The following MCOLN2 variants were observed in gnomAD, a reference collection of about 807,000 sequenced individuals.
The protein encoded by MCOLN2 is mucolipin-2.
A neutral mutation model predicts 67.5 loss-of-function variants in MCOLN2; 57 were observed. The observed-to-expected ratio is 0.84, with a 90% CI of 0.68 to 1.05. MCOLN2 has a LOEUF of 1.05. Among genes scored for constraint, MCOLN2 ranks in the 50% least tolerant of loss-of-function variants. MCOLN2 has a pLI of 0.00. For missense variants in MCOLN2, 620 were observed against 678.8 expected (o/e 0.91, Z 0.96); for synonymous variants, 246 against 233.3 (o/e 1.05, Z -0.50).
intron 2 of MCOLN2, among the ~76,000 whole-genome samples, chr1:84,961,736 T>C (rs559516433): frequency 6.6e-6 from 1 of 152,152 alleles, no homozygotes; most frequent in Non-Finnish European, 1.5e-5. Flanking sequence ...TAAGATTTGC[T>C]GAGAGTATGA....
chr1:84,926,811 G>T, intron 13 of MCOLN2, 90 bp from the exon 14 acceptor site: 1 of 891,896 alleles, frequency 1.1e-6, no homozygotes, highest in Non-Finnish European at 1.6e-6. Context: ...TTCTAGGCCC[G>T]TAGATTATAG....
intron 13 of MCOLN2, among the ~76,000 whole-genome samples, chr1:84,928,221 C>T (rs1188254407): frequency 6.6e-6 from 1 of 152,202 alleles, no homozygotes; most frequent in African/African-American, 2.4e-5. Flanking sequence ...TTCAGTTGAT[C>T]TCCTTGGTGG....
chr1:84,978,751 A>C (rs1211143588), intron 1 of MCOLN2, among the ~76,000 whole-genome samples: 1 of 152,176 alleles, frequency 6.6e-6, no homozygotes, highest in Non-Finnish European at 1.5e-5. Flanking sequence ...TTTCTGTATT[A>C]GTCAGGTTCT....
At chr1:84,964,136 C>T (rs1269426516) in intron 2 of MCOLN2, among the ~76,000 whole-genome samples, 1 of 152,146 alleles carries the variant, frequency 6.6e-6, no homozygotes, top group African/African-American at 2.4e-5. Flanking sequence ...ACACATTTAA[C>T]AATGTCTCTG....
Position 84,941,583 on chromosome 1 carries a change from G to A in MCOLN2, c.848-592C>T, listed in dbSNP as rs577573122. On this transcript the variant is annotated intron_variant, in intron 7 of 13. Transcript: ENST00000370608. ...TCAAATTTATATATAAATATTTACT[G>A]TAGAATAGAATTCAACAGAAAGTGA... Among the ~76,000 whole-genome samples, 9 of 152,304 alleles carry A rather than the reference G, an allele frequency of 5.9e-5. No homozygotes were observed. The East Asian group carries it at 1.7e-3, about 29-fold the overall frequency.
rs577553668 is a variant in MCOLN2 at position 84,975,210 on chromosome 1, G to A, written c.78-9502C>T. Among the ~76,000 whole-genome samples the A allele has an allele frequency of 2.0e-5, 3 of 152,312 alleles. No homozygotes were observed. In the East Asian group the frequency reaches 5.8e-4, roughly 29 times the overall value. On this transcript the variant is annotated intron_variant, in intron 1 of 13. Coordinates refer to ENST00000370608, the MANE Select transcript of MCOLN2 (RefSeq NM_153259.4). ...AGCAGACACAGGAAGTAGCCAGGGA[G>A]TAGTTACAGCCGGCCTTGGGCAACA...
intron 4 of MCOLN2, among the ~76,000 whole-genome samples, 199 bp downstream of exon 4, chr1:84,956,232 T>C (rs1031142180): frequency 2.6e-5 from 4 of 151,912 alleles, no homozygotes; most frequent in Admixed American, 1.3e-4. Flanking sequence ...GATCCACAAA[T>C]GCTGTCCCTG....
At chr1:84,987,535 T>TA (rs1557665800) in intron 1 of MCOLN2, among the ~76,000 whole-genome samples, 12 of 51,034 alleles carry the variant, frequency 2.4e-4, no homozygotes, top group African/African-American at 6.4e-4. Flanking sequence ...TATACATCTA[T>TA]GTATACATAG....
intron 2 of MCOLN2, among the ~76,000 whole-genome samples, chr1:84,962,746 G>C (rs1649157939): frequency 6.6e-6 from 1 of 152,130 alleles, no homozygotes; most frequent in African/African-American, 2.4e-5. Flanking sequence ...TGTCTGGCTG[G>C]GATTTGGGTA....
At chr1:84,946,419 T>C (rs958696711) in intron 7 of MCOLN2, among the ~76,000 whole-genome samples, 6 of 152,218 alleles carry the variant, frequency 3.9e-5, no homozygotes, top group Non-Finnish European at 8.8e-5. Context: ...TATATACTAA[T>C]TCATTTAATA....
rs540606223 is a variant in MCOLN2 at position 84,958,199 on chromosome 1, G to A, written c.411+330C>T. Among the ~76,000 whole-genome samples the A allele has an allele frequency of 7.2e-5, 11 of 152,226 alleles. No individual in the cohort carries two copies. The South Asian group carries it at 1.7e-3, about 23-fold the overall frequency. On this transcript the variant is annotated intron_variant, in intron 3 of 13. Coordinates refer to ENST00000370608, the MANE Select transcript of MCOLN2 (RefSeq NM_153259.4). ...CTGGATTACAGGCATGAGTCACTAC[G>A]CCAGGCTGGAATCTTTGATTTTATA...
At chr1:84,976,102 C>T (rs603746) in intron 1 of MCOLN2, among the ~76,000 whole-genome samples, 76,705 of 151,778 alleles carry the variant, frequency 0.51, 19,659 homozygotes, top group East Asian at 0.64. Context: ...GAAAAAGAGA[C>T]AGGAGTAGAA....
Position 84,943,638 on chromosome 1 carries a change from CT to C in MCOLN2, c.848-2648del, listed in dbSNP as rs532168618. Among the ~76,000 whole-genome samples the C allele has an allele frequency of 2.5e-3, 381 of 152,260 alleles. 3 individuals are homozygous for C. The highest frequency in any genetic ancestry group is 8.7e-3 in the African/African-American group (360 of 41,558). On this transcript the variant is annotated intron_variant, in intron 7 of 13. Coordinates refer to ENST00000370608, the MANE Select transcript of MCOLN2 (RefSeq NM_153259.4). ...ATGTGGGTGACACTGGCATGAGTGT[CT>C]GAGGGCAAAGCAGCTCCTACAATGG...
intron 1 of MCOLN2, among the ~76,000 whole-genome samples, chr1:84,979,509 G>A (rs1305672810): frequency 2.6e-5 from 4 of 152,136 alleles, no homozygotes; most frequent in Non-Finnish European, 4.4e-5. Flanking sequence ...GGGATGCAAG[G>A]ATGGTTCAAC....
intron 1 of MCOLN2, among the ~76,000 whole-genome samples, chr1:84,994,094 C>T (rs1007023796): frequency 6.6e-6 from 1 of 152,152 alleles, no homozygotes; most frequent in Non-Finnish European, 1.5e-5. Context: ...TGAAAGAAAT[C>T]TTTTTTTCTG....
intron 4 of MCOLN2, among the ~76,000 whole-genome samples, chr1:84,955,032 G>A (rs954847962): frequency 2.6e-5 from 4 of 152,146 alleles, no homozygotes; most frequent in African/African-American, 9.7e-5. Context: ...CCAGTAGGAG[G>A]TAATTAAATC....
intron 1 of MCOLN2, among the ~76,000 whole-genome samples, chr1:84,973,524 G>C (rs1649847772): frequency 6.6e-6 from 1 of 152,072 alleles, no homozygotes; most frequent in Non-Finnish European, 1.5e-5. Context: ...GTTTCACTTA[G>C]GTATGTGAGA....
rs571544831 is a variant in MCOLN2, at chr1:84,941,092, T to C, written c.848-101A>G. Reference sequence around the variant, plus strand: ...AAAGAAGTTCAAACAATAAATGTTTTGTCTATTGTTAAAACAAAATGGTAA... The same window carrying C: ...AAAGAAGTTCAAACAATAAATGTTTCGTCTATTGTTAAAACAAAATGGTAA... On this transcript the variant is annotated intron_variant, in intron 7 of 13. Transcript: ENST00000370608. 1.2e-4 allele frequency: 88 copies of C among 722,680 alleles called. No individual in the cohort carries two copies. In the African/African-American group the frequency reaches 1.4e-3, roughly 11 times the overall value. The allele number at this position is 722,680 out of a possible 1,614,324, so 44.8% of individuals were successfully genotyped here. A position where few individuals can be genotyped will look rare whatever the true frequency, so the allele number is the denominator to read the frequency against.
intron 11 of MCOLN2, among the ~76,000 whole-genome samples, chr1:84,932,433 G>A (rs1429431075): frequency 3.9e-5 from 6 of 151,982 alleles, no homozygotes; most frequent in African/African-American, 9.7e-5. Flanking sequence ...GGCTGGTCTC[G>A]AACTCCTGGC....
Sources: gnomAD v4.1 joint callset for allele counts (sites outside exome capture counted in the v4.1 genomes callset) on GRCh38, gnomAD v4.1.1 for gene constraint, MANE v1.5 for transcripts, NCBI Gene and HGNC (gene_info 2026-07-23, HGNC 2026-07-21) for gene names.